FAM53A: variants seen among roughly 807,000 people sequenced by gnomAD.
The protein encoded by FAM53A is family with sequence similarity 53 member A, also known as protein FAM53A.
In FAM53A, 28 loss-of-function variants were observed where a neutral mutation model predicts 26.6. The observed-to-expected ratio is 1.05, with a 90% CI of 0.78 to 1.45. The LOEUF (loss-of-function observed/expected upper bound fraction) is 1.45. FAM53A is among the 40% of genes most tolerant of loss of function. The pLI is 0.00. For synonymous variants in FAM53A, 290 were observed against 253.1 expected (o/e 1.15, Z -1.38); for missense variants, 650 against 575.8 (o/e 1.13, Z -1.32).
At chr4:1,598,336 T>G in the FAM53A span, among the ~76,000 whole-genome samples, 152 of 152,352 alleles carry the variant, frequency 1.0e-3, 2 homozygotes, top group Non-Finnish European at 1.3e-4. Context: ...CTCCAAACGC[T>G]GCGCCTTCCG....
the FAM53A span, among the ~76,000 whole-genome samples, chr4:1,578,958 G>A: frequency 1.3e-5 from 2 of 150,498 alleles, no homozygotes; most frequent in Admixed American, 1.3e-4. Flanking sequence ...GCCTCTCGAG[G>A]CAGAGCAGGC....
At position 1,641,559 on chromosome 4, in the gene FAM53A, C is replaced by T. The variant is rs370723915; in HGVS notation, c.931G>A (p.Asp311Asn). The T allele has an allele frequency of 9.3e-6, 15 of 1,614,072 alleles. No individual in the cohort carries two copies. Among genetic ancestry groups the T allele is most frequent in the African/African-American group, 1.3e-5 (1 of 74,932 alleles). ...SLCSLNYEDDDEDDTPVKTVL... is the reference protein window; with the variant it reads ...SLCSLNYEDDNEDDTPVKTVL... Reference sequence around the variant, plus strand: ...GTCTTCACTGGGGTGTCATCCTCATCGTCATCTTCGTAATTGAGGGAGCAA... The same window carrying T: ...GTCTTCACTGGGGTGTCATCCTCATTGTCATCTTCGTAATTGAGGGAGCAA... The change falls in exon 5 of 5, where the codon GAT (aspartate) becomes AAT (asparagine). Residue 311 changes from aspartate to asparagine, a missense_variant. Asp to Asn is a conservative substitution (Grantham distance 23, BLOSUM62 1). Coordinates refer to ENST00000308132, the MANE Select transcript of FAM53A (RefSeq NM_001174070.3).
At chr4:1,680,226 G>A (rs1354773164) in intron 1 of FAM53A, among the ~76,000 whole-genome samples, 1 of 145,164 alleles carries the variant, frequency 6.9e-6, no homozygotes, top group South Asian at 2.2e-4. Flanking sequence ...GGCTGAGGCA[G>A]GAGAATCATT....
At chr4:1,623,845 G>C (rs909535939) in intron 1 of FAM53A, among the ~76,000 whole-genome samples, 8 of 152,194 alleles carry the variant, frequency 5.3e-5, no homozygotes, top group African/African-American at 1.9e-4. Context: ...TTGGGGAGGA[G>C]AAAAAAGTTG....
intron 4 of FAM53A, among the ~76,000 whole-genome samples, chr4:1,647,460 G>A (rs1354960561): frequency 6.6e-6 from 1 of 152,212 alleles, no homozygotes; most frequent in Non-Finnish European, 1.5e-5. Context: ...TCTGACACCT[G>A]GGGAAGCTGG....
the FAM53A span, among the ~76,000 whole-genome samples, chr4:1,582,250 C>A: frequency 6.6e-6 from 1 of 152,250 alleles, no homozygotes; most frequent in Non-Finnish European, 1.5e-5. Context: ...TGTGGCAGGG[C>A]AGATGCTCTG....
At chr4:1,607,561 C>T in the FAM53A span, among the ~76,000 whole-genome samples, 6 of 151,800 alleles carry the variant, frequency 4.0e-5, no homozygotes, top group African/African-American at 1.5e-4. Flanking sequence ...TTCATCCATT[C>T]GGGCCTAAGT....
chr4:1,610,012 A>T, the FAM53A span, among the ~76,000 whole-genome samples: 1 of 152,030 alleles, frequency 6.6e-6, no homozygotes, highest in South Asian at 2.1e-4. Flanking sequence ...TCTTTATAGC[A>T]GCATGAGAAT....
intron 1 of FAM53A, among the ~76,000 whole-genome samples, chr4:1,672,822 T>C (rs950314783): frequency 7.4e-6 from 1 of 135,008 alleles, no homozygotes; most frequent in Non-Finnish European, 1.5e-5. Flanking sequence ...CAGGCTGGAG[T>C]GCAGTGGTGT....
chr4:1,615,072 C>G (rs893913684), downstream of FAM53A, among the ~76,000 whole-genome samples: 1 of 152,022 alleles, frequency 6.6e-6, no homozygotes, highest in South Asian at 2.1e-4. Context: ...CCTGGGCACA[C>G]AGAAGGCAGG....
At chr4:1,577,706 C>A in the FAM53A span, among the ~76,000 whole-genome samples, 1 of 152,200 alleles carries the variant, frequency 6.6e-6, no homozygotes, top group Non-Finnish European at 1.5e-5. Context: ...TATAATTATG[C>A]GCGGCGCTCT....
downstream of FAM53A, among the ~76,000 whole-genome samples, chr4:1,637,109 G>A (rs548763672): frequency 7.2e-5 from 11 of 152,282 alleles, no homozygotes; most frequent in African/African-American, 2.6e-4. Flanking sequence ...GGGAGTGCCT[G>A]GGCAGACAAG....
the FAM53A span, chr4:1,580,283 C>CG: frequency 6.6e-6 from 1 of 152,164 alleles, no homozygotes; most frequent in Non-Finnish European, 1.5e-5. Context: ...CAGGCAGCCT[C>CG]GCCCCAGGGA....
chr4:1,597,879 C>T, the FAM53A span, among the ~76,000 whole-genome samples: 1 of 152,176 alleles, frequency 6.6e-6, no homozygotes, highest in Non-Finnish European at 1.5e-5. Context: ...GCCTGTAATC[C>T]CAGCTACTCA....
At chr4:1,593,304 C>G in the FAM53A span, among the ~76,000 whole-genome samples, 1 of 152,174 alleles carries the variant, frequency 6.6e-6, no homozygotes, top group African/African-American at 2.4e-5. Flanking sequence ...GCCGGCGCGG[C>G]AGGTGCGCTC....
intron 1 of FAM53A, among the ~76,000 whole-genome samples, chr4:1,626,554 C>G (rs372418561): frequency 6.7e-6 from 1 of 148,486 alleles, no homozygotes; most frequent in Non-Finnish European, 1.5e-5. Context: ...GCCCTGAGCC[C>G]GGGGGGACCC....
At chr4:1,667,859 C>A (rs956110676) in intron 2 of FAM53A, among the ~76,000 whole-genome samples, 2 of 152,222 alleles carry the variant, frequency 1.3e-5, no homozygotes, top group Admixed American at 6.5e-5. Flanking sequence ...CCTTCTGGAT[C>A]TGCCATCTAA....
At chr4:1,669,869 G>C (rs1714504128) in intron 1 of FAM53A, among the ~76,000 whole-genome samples, 5 of 152,214 alleles carry the variant, frequency 3.3e-5, no homozygotes. Flanking sequence ...AGCAGTGACG[G>C]AACGTCCACA....
At chr4:1,593,268 C>T in the FAM53A span, among the ~76,000 whole-genome samples, 1 of 152,098 alleles carries the variant, frequency 6.6e-6, no homozygotes, top group Non-Finnish European at 1.5e-5. Context: ...GAGGCACCCA[C>T]GTCCCCGCGC....
Sources: allele counts gnomAD v4.1 joint callset (sites outside exome capture counted in the v4.1 genomes callset), GRCh38; gene constraint gnomAD v4.1.1; transcripts MANE v1.5; gene names NCBI Gene and HGNC (gene_info 2026-07-23, HGNC 2026-07-21).